The following ROCK2 variants were observed in gnomAD, a reference collection of about 807,000 sequenced individuals.
The protein encoded by ROCK2 is Rho associated coiled-coil containing protein kinase 2.
In ROCK2, 61 loss-of-function variants were observed where a neutral mutation model predicts 195.1. The ratio of observed to expected loss-of-function variants is 0.31; its 90% confidence interval spans 0.25 to 0.39. The LOEUF is 0.39. Among genes scored for constraint, ROCK2 ranks in the 10% least tolerant of loss-of-function variants. The pLI, the probability that ROCK2 is intolerant of heterozygous loss-of-function variation, is 1.00. For synonymous variants in ROCK2, 504 were observed against 545.5 expected (o/e 0.92, Z 1.06); for missense variants, 1,109 against 1,637.4 (o/e 0.68, Z 5.57).
chr2:11,300,052 A>G (rs1258063410), intron 1 of ROCK2, among the ~76,000 whole-genome samples: 2 of 152,198 alleles, frequency 1.3e-5, no homozygotes, highest in Non-Finnish European at 2.9e-5. Context: ...ATATTTTGGT[A>G]GCCTATAAAT....
Position 11,197,529 on chromosome 2 carries a change from C to T in ROCK2, c.3276G>A (p.Gln1092=). 1 of 1,610,658 alleles carries T rather than the reference C, an allele frequency of 6.2e-7. No individual in the cohort carries two copies. The highest frequency in any genetic ancestry group is 2.2e-5 in the East Asian group (1 of 44,830). The change falls in exon 26 of 33, where the codon CAG becomes CAA. Residue 1092 remains glutamine (Q), a synonymous_variant. Coordinates refer to ENST00000315872, the MANE Select transcript of ROCK2 (RefSeq NM_004850.5). This position sits in a 1 kb window ranked among gnomAD's most constrained non-coding sequence, Gnocchi z 4.9. ...AGAGTCCAAAAAGTATTCTTACTGC[C>T]TGCATTTCATTCAGTTCTTTCTGAT... ...IKYQKELNEM[Q]AQIAEESQIR...
At chr2:11,217,460 T>C in intron 11 of ROCK2, 1 of 427,826 alleles carries the variant, frequency 2.3e-6, no homozygotes, top group South Asian at 2.0e-5. Flanking sequence ...TCAAATTCAT[T>C]ATAAAGAATA....
chr2:11,266,648 T>G (rs1396896197), intron 3 of ROCK2, among the ~76,000 whole-genome samples: 1 of 152,230 alleles, frequency 6.6e-6, no homozygotes, highest in East Asian at 1.9e-4. Context: ...CATAAAGATG[T>G]GCCAAATGTG....
At chr2:11,324,000 A>C (rs1668473526) in intron 1 of ROCK2, among the ~76,000 whole-genome samples, 1 of 151,958 alleles carries the variant, frequency 6.6e-6, no homozygotes, top group African/African-American at 2.4e-5. Flanking sequence ...CCACCTATTC[A>C]TCTCTCCTTC....
In ROCK2 at chr2:11,180,500, T is replaced by A. The variant is rs1662940286; in HGVS notation, c.*2937A>T. 1 of 152,354 alleles carries A rather than the reference T, an allele frequency of 6.6e-6. No individual in the cohort carries two copies. Among genetic ancestry groups the A allele is most frequent in the East Asian group, 1.9e-4 (1 of 5,188 alleles). The allele number at this position is 152,354 out of a possible 1,614,324, so 9.4% of individuals were successfully genotyped here. A position where few individuals can be genotyped will look rare whatever the true frequency, so the allele number is the denominator to read the frequency against. ...ACTTGTTTCTAGAGAACATGGTTTTTTAAAATTAATACTTTAAAAACATTC... is the reference window on the plus strand; with the variant it reads ...ACTTGTTTCTAGAGAACATGGTTTTATAAAATTAATACTTTAAAAACATTC... On this transcript the variant is annotated 3_prime_UTR_variant, in exon 33 of 33. Coordinates refer to ENST00000315872, the MANE Select transcript of ROCK2 (RefSeq NM_004850.5).
intron 4 of ROCK2, among the ~76,000 whole-genome samples, chr2:11,248,636 G>A (rs1203861913): frequency 7.3e-6 from 1 of 136,824 alleles, no homozygotes; most frequent in African/African-American, 2.8e-5. Flanking sequence ...TTGAACCCGG[G>A]AAGCAGAGGA....
chr2:11,211,433 ATC>A (rs1252978873), intron 18 of ROCK2, among the ~76,000 whole-genome samples: 1 of 152,168 alleles, frequency 6.6e-6, no homozygotes, highest in Non-Finnish European at 1.5e-5. Flanking sequence ...ATATTAATTT[ATC>A]TCTGATCTAA....
At chr2:11,275,604 C>G (rs889642357) in intron 3 of ROCK2, among the ~76,000 whole-genome samples, 1 of 151,744 alleles carries the variant, frequency 6.6e-6, no homozygotes, top group Non-Finnish European at 1.5e-5. Flanking sequence ...GCAAATCAAT[C>G]GCTGTATTAA....
intron 32 of ROCK2, among the ~76,000 whole-genome samples, chr2:11,191,448 C>G (rs1288384000): frequency 2.6e-5 from 4 of 152,134 alleles, no homozygotes; most frequent in Admixed American, 1.3e-4. Flanking sequence ...TAAAGCTGGT[C>G]TATGTTGCTG....
chr2:11,234,808 TG>T (rs1290053587), intron 5 of ROCK2: 1 of 152,096 alleles, frequency 6.6e-6, no homozygotes, highest in Non-Finnish European at 1.5e-5. Flanking sequence ...GTTGGAATGC[TG>T]ATGAAGGTAG....
intron 1 of ROCK2, among the ~76,000 whole-genome samples, chr2:11,293,058 T>C (rs1409676273): frequency 6.6e-6 from 1 of 152,184 alleles, no homozygotes; most frequent in African/African-American, 2.4e-5. Context: ...CCTAGGGAAC[T>C]GTGAGTCAGT....
intron 3 of ROCK2, among the ~76,000 whole-genome samples, chr2:11,252,686 C>A (rs1665877460): frequency 1.3e-5 from 2 of 152,060 alleles, no homozygotes; most frequent in Admixed American, 6.6e-5. Context: ...TCACTCTCAG[C>A]AAATTAACAC....
At chr2:11,261,072 A>G (rs776624007) in intron 3 of ROCK2, among the ~76,000 whole-genome samples, 3 of 152,238 alleles carry the variant, frequency 2.0e-5, no homozygotes, top group Non-Finnish European at 2.9e-5. Context: ...TATCTGTAGG[A>G]TATCTACAAA....
rs1664352542 is a variant in ROCK2 at position 11,214,382 on chromosome 2, T to A, written c.2018A>T (p.Gln673Leu). 1 of 1,597,266 alleles carries A rather than the reference T, an allele frequency of 6.3e-7. No individual in the cohort carries two copies. Among genetic ancestry groups the A allele is most frequent in the Non-Finnish European group, 8.6e-7 (1 of 1,166,320 alleles). The change falls in exon 17 of 33, where the codon CAG becomes CTG. Residue 673 changes from glutamine (Q) to leucine (L), a missense_variant. Coordinates refer to ENST00000315872, the MANE Select transcript of ROCK2 (RefSeq NM_004850.5). ...CTTTTCCAAATCAGTAAATCTCTCC[T>A]GAAGTTGTCTCTTCTCCAGTTCTAC... is the stretch of plus-strand genomic sequence containing the variant. ...AKVELEKRQL[Q>L]ERFTDLEKEK...
chr2:11,266,481 C>A (rs1489186430), intron 3 of ROCK2, among the ~76,000 whole-genome samples: 1 of 152,204 alleles, frequency 6.6e-6, no homozygotes, highest in Admixed American at 6.5e-5. Context: ...CTGTGACATA[C>A]TAAAGTTACT....
intron 1 of ROCK2, among the ~76,000 whole-genome samples, chr2:11,293,703 A>G (rs1210374655): frequency 1.3e-5 from 2 of 152,166 alleles, no homozygotes; most frequent in African/African-American, 4.8e-5. Context: ...AATTTTTAAA[A>G]TATTACATTA....
chr2:11,314,279 C>T (rs1253283476), intron 1 of ROCK2, among the ~76,000 whole-genome samples: 1 of 151,140 alleles, frequency 6.6e-6, no homozygotes, highest in Non-Finnish European at 1.5e-5. Flanking sequence ...TTCTAATTTG[C>T]TGCTCTCTTT....
At chr2:11,312,111 T>C (rs1009769836) in intron 1 of ROCK2, among the ~76,000 whole-genome samples, 1 of 152,224 alleles carries the variant, frequency 6.6e-6, no homozygotes, top group Non-Finnish European at 1.5e-5. Context: ...CTTTTTGTAT[T>C]GAAAAACATA....
chr2:11,190,501 G>A (rs568943277), intron 32 of ROCK2, among the ~76,000 whole-genome samples: 5 of 152,142 alleles, frequency 3.3e-5, no homozygotes, highest in African/African-American at 4.8e-5. Context: ...AACTGGGAGC[G>A]TGCCTCATAA....
Sources: gnomAD v4.1 joint callset for allele counts (sites outside exome capture counted in the v4.1 genomes callset) on GRCh38, gnomAD v4.1.1 for gene constraint, Gnocchi (gnomAD v3.1) non-coding constraint, MANE v1.5 for transcripts, NCBI Gene and HGNC (gene_info 2026-07-23, HGNC 2026-07-21) for gene names.